TECRL: variants seen among roughly 807,000 people sequenced by gnomAD.
TECRL encodes the protein trans-2,3-enoyl-CoA reductase-like.
TECRL carries 63 observed loss-of-function variants against 52.8 expected under a neutral mutation model. The ratio of observed to expected loss-of-function variants is 1.19; its 90% CI spans 0.97 to 1.47. The LOEUF (loss-of-function observed/expected upper bound fraction) is 1.47, where lower values mean the gene tolerates loss of function less well. Among genes scored for constraint, TECRL ranks in the 40% most tolerant of loss-of-function variants. The probability of loss-of-function intolerance (pLI) is 0.00; values close to 1 mark genes in which losing one functional copy is unlikely to be tolerated. For missense variants in TECRL, 482 were observed against 429.6 expected (o/e 1.12, Z -1.08); for synonymous variants, 164 against 141.9 (o/e 1.16, Z -1.10).
intron 2 of TECRL, among the ~76,000 whole-genome samples, chr4:64,371,482 TA>T (rs906927195): frequency 2.0e-5 from 3 of 151,618 alleles, no homozygotes; most frequent in Non-Finnish European, 4.4e-5. Flanking sequence ...GAATCTCTGT[TA>T]GAGATTTCCT....
intron 2 of TECRL, among the ~76,000 whole-genome samples, chr4:64,336,560 T>C (rs916170024): frequency 2.0e-5 from 3 of 152,220 alleles, no homozygotes; most frequent in African/African-American, 7.2e-5. Flanking sequence ...CTTTTGAATG[T>C]GTTTGCTCTT....
chr4:64,310,833 C>A (rs976535856), intron 5 of TECRL, among the ~76,000 whole-genome samples: 1 of 152,150 alleles, frequency 6.6e-6, no homozygotes, highest in African/African-American at 2.4e-5. Flanking sequence ...AATCCTCCCA[C>A]CTCAGCTTCC....
chr4:64,403,350 T>C (rs767800505), intron 1 of TECRL, among the ~76,000 whole-genome samples: 1 of 151,222 alleles, frequency 6.6e-6, no homozygotes, highest in South Asian at 2.1e-4. Flanking sequence ...CACACAGGAA[T>C]CTCCAACTTA....
intron 3 of TECRL, among the ~76,000 whole-genome samples, chr4:64,323,258 A>T (rs902413833): frequency 6.6e-6 from 1 of 151,930 alleles, no homozygotes; most frequent in African/African-American, 2.4e-5. Context: ...TTAGCCAGGC[A>T]TGGTGCTGTG....
intron 3 of TECRL, among the ~76,000 whole-genome samples, chr4:64,326,658 A>T (rs1018336388): frequency 6.6e-6 from 1 of 152,132 alleles, no homozygotes; most frequent in Admixed American, 6.6e-5. Context: ...GTTATTGTAG[A>T]CCAATCATTC....
At chr4:64,356,419 A>C (rs1720776631) in intron 2 of TECRL, among the ~76,000 whole-genome samples, 1 of 152,202 alleles carries the variant, frequency 6.6e-6, no homozygotes, top group South Asian at 2.1e-4. Flanking sequence ...CTGATTGTAC[A>C]TTTGTTCAAT....
Position 64,374,024 on chromosome 4 carries a change from A to AG in TECRL, c.286+1147_286+1148insC, listed in dbSNP as rs1560538510. ...TACTATAGTATAGTATATAGTAGAT[A>AG]CATATATATATATGTATATAGTAGA... On this transcript the variant is annotated intron_variant, in intron 2 of 11. Transcript: ENST00000381210. Among the ~76,000 whole-genome samples, 163 of 135,538 alleles carry AG rather than the reference A, an allele frequency of 1.2e-3. 3 individuals are homozygous for AG. The highest frequency in any genetic ancestry group is 4.3e-3 in the African/African-American group (154 of 35,556). 88.9% of individuals were successfully genotyped at this position (135,538 alleles called of 152,430 possible). A position where few individuals can be genotyped will look rare whatever the true frequency, so the allele number is the denominator to read the frequency against.
intron 4 of TECRL, among the ~76,000 whole-genome samples, chr4:64,318,231 A>T (rs1717645889): frequency 6.6e-6 from 1 of 152,174 alleles, no homozygotes; most frequent in Admixed American, 6.5e-5. Context: ...AAAAATAAAA[A>T]TAAAAAAATT....
intron 1 of TECRL, among the ~76,000 whole-genome samples, chr4:64,384,308 G>C (rs13111046): frequency 6.6e-6 from 1 of 151,868 alleles, no homozygotes; most frequent in Non-Finnish European, 1.5e-5. Context: ...AGTCCTGTCT[G>C]TGGGCCAACC....
intron 2 of TECRL, among the ~76,000 whole-genome samples, chr4:64,335,259 A>G (rs762645642): frequency 5.3e-5 from 8 of 152,130 alleles, no homozygotes; most frequent in South Asian, 2.1e-4. Flanking sequence ...TCCTTGTCAG[A>G]TAAGTGGCAG....
intron 1 of TECRL, among the ~76,000 whole-genome samples, chr4:64,386,909 A>T (rs530182035): frequency 6.6e-6 from 1 of 152,242 alleles, no homozygotes; most frequent in African/African-American, 2.4e-5. Flanking sequence ...CATTTTTTAC[A>T]ACGGATATAT....
chr4:64,355,251 A>G, intron 2 of TECRL, among the ~76,000 whole-genome samples: 1 of 152,132 alleles, frequency 6.6e-6, no homozygotes, highest in East Asian at 1.9e-4. Flanking sequence ...GTGAGTGAAA[A>G]CTTAATGTGT....
chr4:64,324,778 A>G (rs2110036169), intron 3 of TECRL, among the ~76,000 whole-genome samples: 1 of 152,192 alleles, frequency 6.6e-6, no homozygotes, highest in Middle Eastern at 3.4e-3. Context: ...ATACATATAT[A>G]TACATATATA....
At chr4:64,394,772 C>A (rs187363481) in intron 1 of TECRL, among the ~76,000 whole-genome samples, 3 of 151,838 alleles carry the variant, frequency 2.0e-5, no homozygotes, top group Non-Finnish European at 4.4e-5. Context: ...TACTTTACTA[C>A]GTATACAGAT....
chr4:64,333,725 T>C (rs982210084), intron 2 of TECRL, among the ~76,000 whole-genome samples: 2 of 150,840 alleles, frequency 1.3e-5, no homozygotes, highest in Middle Eastern at 3.4e-3. Context: ...TGTCATGGCA[T>C]GAGAGAATGT....
At chr4:64,395,695 G>A (rs1312753075) in intron 1 of TECRL, among the ~76,000 whole-genome samples, 1 of 151,938 alleles carries the variant, frequency 6.6e-6, no homozygotes, top group Non-Finnish European at 1.5e-5. Flanking sequence ...AGGTTGAGAG[G>A]GTACATGTGC....
chr4:64,393,457 G>A (rs893079351), intron 1 of TECRL, among the ~76,000 whole-genome samples: 6 of 151,924 alleles, frequency 3.9e-5, no homozygotes, highest in East Asian at 3.9e-4. Context: ...AGAGATGTTC[G>A]AATGGAAAAG....
At chr4:64,319,279 G>A (rs1464935267) in intron 4 of TECRL, among the ~76,000 whole-genome samples, 1 of 151,538 alleles carries the variant, frequency 6.6e-6, no homozygotes, top group Non-Finnish European at 1.5e-5. Context: ...ATTAGATTTA[G>A]ACATTAAAAA....
At chr4:64,372,254 G>A (rs73821150) in intron 2 of TECRL, among the ~76,000 whole-genome samples, 10,735 of 151,824 alleles carry the variant, frequency 0.071, 559 homozygotes, top group African/African-American at 0.15. Flanking sequence ...AAGACCAACT[G>A]AGGATTTGCA....
Sources: gnomAD v4.1 joint callset for allele counts (sites outside exome capture counted in the v4.1 genomes callset) on GRCh38, gnomAD v4.1.1 for gene constraint, MANE v1.5 for transcripts, NCBI Gene and HGNC (gene_info 2026-07-23, HGNC 2026-07-21) for gene names.